UNC79: variants seen among roughly 807,000 people sequenced by gnomAD.
The protein encoded by UNC79 is protein unc-79 homolog.
Under a neutral mutation model 283.1 loss-of-function variants are expected in UNC79, and 37 were observed. The ratio of observed to expected loss-of-function variants is 0.13; its 90% CI spans 0.10 to 0.17. The LOEUF (loss-of-function observed/expected upper bound fraction) is 0.17. UNC79 is among the 10% of genes least tolerant of loss of function. UNC79 has a pLI of 1.00. For synonymous variants in UNC79, 1,107 were observed against 1,200.2 expected (o/e 0.92, Z 1.61); for missense variants, 2,272 against 3,211.1 (o/e 0.71, Z 7.07).
At chr14:93,665,632 A>G (rs536277330) in intron 40 of UNC79, among the ~76,000 whole-genome samples, 83 of 152,102 alleles carry the variant, frequency 5.5e-4, no homozygotes, top group African/African-American at 2.0e-3. Flanking sequence ...CAAAGAAAAT[A>G]TTTTCAGAAA....
exon 17 of UNC79, chr14:93,575,070 T>G: frequency 6.2e-7 from 1 of 1,612,060 alleles, no homozygotes; most frequent in South Asian, 1.1e-5. Flanking sequence ...ATTATCGGAG[T>G]TAGATATCAT....
At chr14:93,468,486 A>G (rs1254156031) in intron 2 of UNC79, among the ~76,000 whole-genome samples, 3 of 152,190 alleles carry the variant, frequency 2.0e-5, no homozygotes, top group African/African-American at 7.2e-5. Context: ...AAATTCCAAG[A>G]TGTGGTTTCT....
intron 4 of UNC79, among the ~76,000 whole-genome samples, chr14:93,485,058 C>T (rs1278832419): frequency 6.6e-6 from 1 of 152,142 alleles, no homozygotes; most frequent in Non-Finnish European, 1.5e-5. Flanking sequence ...TTTACAGTGA[C>T]TCTCAGCCTT....
intron 41 of UNC79, among the ~76,000 whole-genome samples, chr14:93,682,153 A>C (rs959055373): frequency 6.6e-6 from 1 of 152,224 alleles, no homozygotes; most frequent in Non-Finnish European, 1.5e-5. Flanking sequence ...AGGGGCAGGA[A>C]GATGAGATGC....
chr14:93,460,752 G>A (rs776907670), intron 1 of UNC79, among the ~76,000 whole-genome samples: 4 of 151,998 alleles, frequency 2.6e-5, no homozygotes, highest in South Asian at 2.1e-4. Flanking sequence ...CTGGTCACAC[G>A]TGGCACCTCA....
chr14:93,700,155 A>G (rs2141037129), intron 47 of UNC79, among the ~76,000 whole-genome samples: 1 of 148,586 alleles, frequency 6.7e-6, no homozygotes, highest in South Asian at 2.1e-4. Context: ...GAAATCTGTC[A>G]TTCTTATCTT....
At chr14:93,517,387 C>T (rs756070115) in intron 7 of UNC79, among the ~76,000 whole-genome samples, 3 of 139,800 alleles carry the variant, frequency 2.1e-5, no homozygotes, top group Admixed American at 7.6e-5. Context: ...TGAGAGTGGA[C>T]GTCCTTGTTC....
chr14:93,467,609 C>CTCTT, intron 1 of UNC79, 62 bp from the exon 2 acceptor site: 2 of 1,059,758 alleles, frequency 1.9e-6, no homozygotes, highest in Non-Finnish European at 1.1e-6. Context: ...GATGATTCTT[C>CTCTT]TCTTTCTTTT....
intron 46 of UNC79, among the ~76,000 whole-genome samples, chr14:93,692,179 A>G (rs1434929788): frequency 6.6e-6 from 1 of 152,256 alleles, no homozygotes; most frequent in Non-Finnish European, 1.5e-5. Context: ...CGCCGTGGTG[A>G]CTACAGTTAA....
chr14:93,412,132 G>C (rs2055348172), intron 1 of UNC79, among the ~76,000 whole-genome samples: 1 of 152,168 alleles, frequency 6.6e-6, no homozygotes, highest in African/African-American at 2.4e-5. Context: ...GTTGAAAAAT[G>C]CAATTGACAT....
chr14:93,457,163 A>G (rs1286210747), intron 1 of UNC79, among the ~76,000 whole-genome samples: 2 of 152,216 alleles, frequency 1.3e-5, no homozygotes. Context: ...TTATTCATTC[A>G]TTTCTTCATT....
intron 25 of UNC79, 81 bp downstream of exon 25, chr14:93,600,851 C>A: frequency 1.3e-6 from 2 of 1,483,588 alleles, no homozygotes; most frequent in South Asian, 1.2e-5. Flanking sequence ...ATTGGCATGT[C>A]GTTTAATTCC....
chr14:93,632,911 A>G (rs900505413), intron 31 of UNC79, among the ~76,000 whole-genome samples: 6 of 151,750 alleles, frequency 4.0e-5, no homozygotes, highest in African/African-American at 1.2e-4. Context: ...AAAAGCATGC[A>G]TTCTATAGCT....
intron 47 of UNC79, among the ~76,000 whole-genome samples, chr14:93,698,565 A>C (rs7149995): frequency 0.71 from 104,361 of 146,368 alleles, 37,585 homozygotes; most frequent in African/African-American, 0.81. Flanking sequence ...GGCTCGCCAC[A>C]ACCTCTGCCT....
chr14:93,481,333 C>T (rs1179449285), intron 4 of UNC79, among the ~76,000 whole-genome samples: 1 of 152,138 alleles, frequency 6.6e-6, no homozygotes, highest in East Asian at 1.9e-4. Flanking sequence ...ATGGAAACCT[C>T]TCTTTTTCCA....
In UNC79 at chr14:93,659,268, A is replaced by G. The variant is rs1176984992; in HGVS notation, c.6525+7A>G. 2 of 1,600,960 alleles carry G rather than the reference A, an allele frequency of 1.2e-6. No homozygotes were observed. The highest frequency in any genetic ancestry group is 1.7e-5 in the Admixed American group (1 of 57,686). The stretch of plus-strand genomic sequence containing the variant: ...TTCTACCAATGCTACAAGGGTATGT[A>G]TGTTTCAGAAAAACATAACCAATTG... On this transcript the variant is annotated splice_region_variant and intron_variant, in intron 39 of 48. Transcript: ENST00000555664.
At chr14:93,599,008 A>T (rs145066768) in intron 24 of UNC79, among the ~76,000 whole-genome samples, 105 of 152,328 alleles carry the variant, frequency 6.9e-4, no homozygotes, top group African/African-American at 2.3e-3. Flanking sequence ...GTGACTTATC[A>T]AAGGACACAA....
chr14:93,497,821 ACTAAAAATACAAAACTTAG>A (rs1177286687), intron 7 of UNC79, among the ~76,000 whole-genome samples: 2 of 152,052 alleles, frequency 1.3e-5, no homozygotes, highest in African/African-American at 4.8e-5. Context: ...CCCCGTCTCT[ACTAAAAATACAAAACTTAG>A]CTGGGCGTGG....
At chr14:93,391,894 A>G (rs944604463) in intron 1 of UNC79, among the ~76,000 whole-genome samples, 7 of 152,246 alleles carry the variant, frequency 4.6e-5, no homozygotes, top group African/African-American at 1.2e-4. Context: ...ATTGCAAACT[A>G]AAAGAAGCTG....
Sources: allele counts gnomAD v4.1 joint callset (sites outside exome capture counted in the v4.1 genomes callset), GRCh38; gene constraint gnomAD v4.1.1; transcripts MANE v1.5; gene names NCBI Gene and HGNC (gene_info 2026-07-23, HGNC 2026-07-21).